ARHGAP39: variants seen among roughly 807,000 people sequenced by gnomAD.
ARHGAP39 encodes the protein rho GTPase-activating protein 39.
In ARHGAP39, 44 loss-of-function variants were observed where a neutral mutation model predicts 106.9. The observed-to-expected ratio is 0.41, with a 90% CI of 0.32 to 0.53. ARHGAP39 has a LOEUF of 0.53. Among genes scored for constraint, ARHGAP39 ranks in the 20% least tolerant of loss-of-function variants. ARHGAP39 has a pLI of 0.21. For synonymous variants in ARHGAP39, 768 were observed against 693.2 expected (o/e 1.11, Z -1.69); for missense variants, 1,496 against 1,577.3 (o/e 0.95, Z 0.87).
intron 1 of ARHGAP39, among the ~76,000 whole-genome samples, chr8:144,621,006 T>G (rs1820794241): frequency 6.6e-6 from 1 of 152,266 alleles, no homozygotes; most frequent in Admixed American, 6.5e-5. Context: ...AAGGCCTGCT[T>G]TGCAGGAGGC....
At chr8:144,699,096 G>A in the ARHGAP39 span, 6 of 321,080 alleles carry the variant, frequency 1.9e-5, no homozygotes, top group Non-Finnish European at 3.1e-5. Context: ...GGAGGTACCC[G>A]GAGCCCAGCC....
intron 2 of ARHGAP39, among the ~76,000 whole-genome samples, chr8:144,599,432 T>G (rs932756031): frequency 6.6e-6 from 1 of 152,048 alleles, no homozygotes; most frequent in African/African-American, 2.4e-5. Context: ...AGTGTAAGAA[T>G]GAAGGGGAAA....
At chr8:144,667,701 C>T (rs1821998939) in intron 1 of ARHGAP39, among the ~76,000 whole-genome samples, 1 of 152,234 alleles carries the variant, frequency 6.6e-6, no homozygotes, top group Non-Finnish European at 1.5e-5. Context: ...TGAATCCTGG[C>T]TCCGCCTACT....
intron 1 of ARHGAP39, 197 bp from the exon 2 acceptor site, chr8:144,605,892 G>A: frequency 4.1e-6 from 2 of 485,124 alleles, no homozygotes; most frequent in African/African-American, 1.9e-5. Flanking sequence ...AGCCTGGCCA[G>A]CCCCACACGC....
At chr8:144,687,317 G>A (rs1266730442), upstream of ARHGAP39, among the ~76,000 whole-genome samples, 12 of 39,548 alleles carry the variant, frequency 3.0e-4, no homozygotes, top group African/African-American at 5.0e-4. Context: ...CCACGCACTG[G>A]CGGCGAGCAC....
rs931181843 is a variant in ARHGAP39 at position 144,530,934 on chromosome 8, C to T, written c.2981-63G>A. 165 of 1,550,582 alleles carry T rather than the reference C, an allele frequency of 1.1e-4. No homozygotes were observed. In the South Asian group the frequency reaches 1.9e-3, roughly 17 times the overall value. Reference sequence around the variant, plus strand: ...CGGGCACCCCTGGGCCAAATGGGGTCCCGTGGCGGACATGCATGGAGGGGT... The same window carrying T: ...CGGGCACCCCTGGGCCAAATGGGGTTCCGTGGCGGACATGCATGGAGGGGT... On this transcript the variant is annotated intron_variant, in intron 10 of 11. Coordinates refer to ENST00000377307, the MANE Select transcript of ARHGAP39 (RefSeq NM_025251.3).
intron 2 of ARHGAP39, among the ~76,000 whole-genome samples, chr8:144,583,512 C>T (rs921321449): frequency 1.3e-5 from 2 of 152,148 alleles, no homozygotes; most frequent in Admixed American, 6.5e-5. Flanking sequence ...TGTGCCGTCT[C>T]CCCAGCTACG....
chr8:144,665,153 A>C (rs955838558), intron 1 of ARHGAP39, among the ~76,000 whole-genome samples: 1 of 152,218 alleles, frequency 6.6e-6, no homozygotes, highest in Non-Finnish European at 1.5e-5. Flanking sequence ...AGAGACTGGC[A>C]GCATTTTGCC....
chr8:144,588,874 G>C (rs926650072), intron 2 of ARHGAP39, among the ~76,000 whole-genome samples: 2 of 152,240 alleles, frequency 1.3e-5, no homozygotes, highest in African/African-American at 4.8e-5. Context: ...GTGAAGATCA[G>C]GCACGTCCAG....
At chr8:144,621,881 C>G (rs981530804) in intron 1 of ARHGAP39, among the ~76,000 whole-genome samples, 1 of 152,240 alleles carries the variant, frequency 6.6e-6, no homozygotes, top group African/African-American at 2.4e-5. Flanking sequence ...ACTACAGTTT[C>G]AGGCAAACAA....
intron 5 of ARHGAP39, 29 bp from the exon 6 acceptor site, chr8:144,545,839 T>TG: frequency 5.7e-6 from 7 of 1,225,580 alleles, no homozygotes; most frequent in Non-Finnish European, 7.8e-6. Context: ...GCTGGGCTGT[T>TG]GGGGGTGGGG....
At chr8:144,691,264 G>C in the ARHGAP39 span, among the ~76,000 whole-genome samples, 1 of 152,196 alleles carries the variant, frequency 6.6e-6, no homozygotes, top group African/African-American at 2.4e-5. Context: ...AGTGGATCCA[G>C]GAGAGAGCTG....
intron 4 of ARHGAP39, among the ~76,000 whole-genome samples, chr8:144,551,772 G>A (rs1817700943): frequency 6.6e-6 from 1 of 152,128 alleles, no homozygotes; most frequent in African/African-American, 2.4e-5. Context: ...CTAGTTGGCT[G>A]AGCTTGCCCC....
At chr8:144,607,235 CAAAAAAAAAAA>C (rs1167793437) in intron 1 of ARHGAP39, among the ~76,000 whole-genome samples, 16 of 50,698 alleles carry the variant, frequency 3.2e-4, no homozygotes, top group African/African-American at 1.0e-3. Context: ...GACATTGTCT[CAAAAAAAAAAA>C]AAAAAAAAAA....
Position 144,537,820 on chromosome 8 carries a change from A to G in ARHGAP39, c.2522-7T>C. The G allele has an allele frequency of 6.2e-7, 1 of 1,613,058 alleles. No individual in the cohort carries two copies. Among genetic ancestry groups the G allele is most frequent in the South Asian group, 1.1e-5 (1 of 91,048 alleles). On this transcript the variant is annotated splice_polypyrimidine_tract_variant and splice_region_variant and intron_variant, in intron 6 of 11. Coordinates refer to ENST00000377307, the MANE Select transcript of ARHGAP39 (RefSeq NM_025251.3). ...TCTTTTATGTGCTGTGTCACTGGGG[A>G]GCAAAGACAACCATCAGCACGACAG...
At chr8:144,698,594 C>A in the ARHGAP39 span, 2 of 272,166 alleles carry the variant, frequency 7.3e-6, no homozygotes, top group South Asian at 3.0e-5. Context: ...TTTTAATCAC[C>A]TCTCTAATCT....
At chr8:144,588,349 G>A (rs1435462484) in intron 2 of ARHGAP39, among the ~76,000 whole-genome samples, 1 of 152,266 alleles carries the variant, frequency 6.6e-6, no homozygotes, top group East Asian at 1.9e-4. Context: ...TGATGCCAGA[G>A]GCTGACTGCC....
At chr8:144,566,380 A>G (rs1014189001) in intron 3 of ARHGAP39, among the ~76,000 whole-genome samples, 15 of 152,106 alleles carry the variant, frequency 9.9e-5, no homozygotes, top group Admixed American at 9.8e-4. Context: ...CCTGGGCAAC[A>G]TGGTAAAACC....
intron 1 of ARHGAP39, among the ~76,000 whole-genome samples, chr8:144,626,607 G>A (rs995771997): frequency 1.3e-5 from 2 of 151,726 alleles, no homozygotes; most frequent in Non-Finnish European, 2.9e-5. Context: ...CGGCGGCCCC[G>A]TTCACGGAGC....
Sources: allele counts gnomAD v4.1 joint callset (sites outside exome capture counted in the v4.1 genomes callset), GRCh38; gene constraint gnomAD v4.1.1; transcripts MANE v1.5; gene names NCBI Gene and HGNC (gene_info 2026-07-23, HGNC 2026-07-21).